Variants in ZNF385D observed in about 807,000 individuals in gnomAD.
The protein encoded by ZNF385D is zinc finger protein 385D.
ZNF385D carries 15 observed loss-of-function variants against 35.8 expected under a neutral mutation model. The ratio of observed to expected loss-of-function variants is 0.42; its 90% CI spans 0.28 to 0.64. ZNF385D has a LOEUF of 0.64. Ranked by LOEUF, ZNF385D falls within the 30% of genes least tolerant of loss-of-function variation. The probability of loss-of-function intolerance (pLI) is 0.23; values close to 1 mark genes in which losing one functional copy is unlikely to be tolerated. For missense variants in ZNF385D, 474 were observed against 494.6 expected, an observed-to-expected ratio of 0.96 and a Z score of 0.39; for synonymous variants, 212 against 186.8, an observed-to-expected ratio of 1.13 and a Z score of -1.10.
intron 1 of ZNF385D, among the ~76,000 whole-genome samples, chr3:21,687,385 A>G (rs749389591): frequency 6.6e-6 from 1 of 152,208 alleles, no homozygotes; most frequent in African/African-American, 2.4e-5. Flanking sequence ...ACGAATATGT[A>G]TAACTCATAA....
In ZNF385D at chr3:22,000,028, G is replaced by A. The variant is rs148675715; in HGVS notation, c.325+168789C>T. 3.1e-3 allele frequency among the ~76,000 whole-genome samples: 479 copies of A among 152,196 alleles called. 4 individuals carry two copies. The highest frequency in any genetic ancestry group is 0.01 in the African/African-American group (427 of 41,538). ...AATCCAAAAAGGTTTTATCTAGGCCGGGCATGGTGGCTCACGCCTGTAATT... is the reference window on the plus strand; with the variant it reads ...AATCCAAAAAGGTTTTATCTAGGCCAGGCATGGTGGCTCACGCCTGTAATT... On this transcript the variant is annotated intron_variant, in intron 3 of 5. Coordinates refer to the ZNF385D transcript ENST00000494108.
intron 2 of ZNF385D, among the ~76,000 whole-genome samples, chr3:22,220,256 G>T (rs2728984): frequency 1.3e-5 from 2 of 151,628 alleles, no homozygotes; most frequent in African/African-American, 4.8e-5. Flanking sequence ...ATAGAGACAA[G>T]ATCTCACTAT....
chr3:21,906,603 G>T (rs1011772686), intron 3 of ZNF385D, among the ~76,000 whole-genome samples: 2 of 152,014 alleles, frequency 1.3e-5, no homozygotes, highest in Non-Finnish European at 2.9e-5. Flanking sequence ...GGTTTCCCTG[G>T]GTTCTGTGCC....
intron 2 of ZNF385D, among the ~76,000 whole-genome samples, chr3:21,634,709 T>C (rs36102698): frequency 6.6e-6 from 1 of 152,090 alleles, no homozygotes; most frequent in Non-Finnish European, 1.5e-5. Context: ...TTTGTTATTG[T>C]TATGTTTTCT....
intron 4 of ZNF385D, among the ~76,000 whole-genome samples, chr3:21,457,222 C>A (rs973218656): frequency 6.6e-6 from 1 of 152,064 alleles, no homozygotes; most frequent in African/African-American, 2.4e-5. Context: ...GAAAAATAAA[C>A]CCAGTACTAG....
At chr3:21,774,100 C>A (rs1421411498) in intron 3 of ZNF385D, among the ~76,000 whole-genome samples, 2 of 151,832 alleles carry the variant, frequency 1.3e-5, no homozygotes, top group Non-Finnish European at 2.9e-5. Flanking sequence ...TAAAAAGGAA[C>A]AAGATAATGT....
At position 22,140,504 on chromosome 3, in the gene ZNF385D, A is replaced by G. The variant is rs374559517; in HGVS notation, c.325+28313T>C. On this transcript the variant is annotated intron_variant, in intron 3 of 5. Transcript: ENST00000494108. The stretch of plus-strand genomic sequence containing the variant: ...ATGGTTATGAAAATGTATCTATGTG[A>G]TAAAATTTCATAGAACTATACCCCC... Among the ~76,000 whole-genome samples, 10 of 152,270 alleles carry G rather than the reference A, an allele frequency of 6.6e-5. 1 individual carries two copies. The highest frequency in any genetic ancestry group is 2.4e-4 in the African/African-American group (10 of 41,552).
At chr3:22,132,813 C>A (rs1425327963) in intron 3 of ZNF385D, among the ~76,000 whole-genome samples, 3 of 151,932 alleles carry the variant, frequency 2.0e-5, no homozygotes, top group Non-Finnish European at 4.4e-5. Context: ...TGATTTCTTT[C>A]TATTCTGAAA....
chr3:22,038,516 G>A (rs2125498781), intron 3 of ZNF385D, among the ~76,000 whole-genome samples: 1 of 152,084 alleles, frequency 6.6e-6, no homozygotes, highest in South Asian at 2.1e-4. Context: ...AATGTTATTT[G>A]TACTGTTGTT....
At chr3:21,452,258 G>A (rs1404989465) in intron 4 of ZNF385D, among the ~76,000 whole-genome samples, 1 of 151,992 alleles carries the variant, frequency 6.6e-6, no homozygotes, top group East Asian at 1.9e-4. Context: ...TGCTTTCAAA[G>A]TAGAGGTTAG....
chr3:22,143,159 T>C (rs1704630346), intron 3 of ZNF385D, among the ~76,000 whole-genome samples: 1 of 150,474 alleles, frequency 6.6e-6, no homozygotes, highest in African/African-American at 2.5e-5. Flanking sequence ...CTCCGCTCAC[T>C]CTAAGCTCCG....
intron 2 of ZNF385D, among the ~76,000 whole-genome samples, chr3:22,323,375 G>A (rs550559590): frequency 1.3e-5 from 2 of 152,140 alleles, no homozygotes; most frequent in Admixed American, 6.6e-5. Flanking sequence ...ATGATAGTAA[G>A]TAAGTAGATG....
intron 4 of ZNF385D, among the ~76,000 whole-genome samples, chr3:21,439,672 A>G (rs2125242110): frequency 6.6e-6 from 1 of 152,230 alleles, no homozygotes; most frequent in Admixed American, 6.5e-5. Flanking sequence ...AAAGCATAGA[A>G]TAAACAAAAC....
intron 3 of ZNF385D, among the ~76,000 whole-genome samples, chr3:22,007,870 C>G (rs1480490415): frequency 6.6e-6 from 1 of 151,308 alleles, no homozygotes; most frequent in East Asian, 1.9e-4. Flanking sequence ...AATACAAAAG[C>G]TTTCTTTTTA....
rs543337722 is a variant in ZNF385D, at chr3:21,988,336, G to A, written c.325+180481C>T. On this transcript the variant is annotated intron_variant, in intron 3 of 5. Transcript: ENST00000494108. ...TGGTCTTTGATGATGGTGATGTACA[G>A]ATGGGTTTTCGGTGTGGATGTCCTT... Among the ~76,000 whole-genome samples the A allele has an allele frequency of 6.3e-4, 75 of 119,942 alleles. 1 individual carries two copies. Among genetic ancestry groups the A allele is most frequent in the African/African-American group, 2.2e-3 (75 of 33,978 alleles). 78.7% of individuals were successfully genotyped at this position (119,942 alleles called of 152,430 possible). A position where few individuals can be genotyped will look rare whatever the true frequency, so the allele number is the denominator to read the frequency against.
intron 3 of ZNF385D, among the ~76,000 whole-genome samples, chr3:22,130,849 T>C (rs1478666967): frequency 6.6e-6 from 1 of 152,112 alleles, no homozygotes; most frequent in Non-Finnish European, 1.5e-5. Flanking sequence ...TGATGTTCCT[T>C]TGGGGGAACA....
At chr3:21,971,190 T>A (rs1703232179) in intron 3 of ZNF385D, among the ~76,000 whole-genome samples, 1 of 152,040 alleles carries the variant, frequency 6.6e-6, no homozygotes, top group South Asian at 2.1e-4. Context: ...ACACTGTAAT[T>A]ATGGTGTATA....
chr3:22,082,139 C>T (rs546430165), intron 3 of ZNF385D, among the ~76,000 whole-genome samples: 1 of 152,058 alleles, frequency 6.6e-6, no homozygotes, highest in Non-Finnish European at 1.5e-5. Context: ...GTGATTGACG[C>T]AGCAGATGGG....
intron 3 of ZNF385D, among the ~76,000 whole-genome samples, chr3:21,762,695 T>C (rs1036743290): frequency 9.9e-5 from 15 of 152,198 alleles, no homozygotes; most frequent in African/African-American, 2.9e-4. Context: ...CTAAAAGTTA[T>C]AGACAGACAG....
Sources: gnomAD v4.1 joint callset for allele counts (sites outside exome capture counted in the v4.1 genomes callset) on GRCh38, gnomAD v4.1.1 for gene constraint, MANE v1.5 for transcripts, NCBI Gene and HGNC (gene_info 2026-07-23, HGNC 2026-07-21) for gene names.